Variants in DPP10 observed in about 807,000 individuals in gnomAD.
DPP10 encodes inactive dipeptidyl peptidase 10.
DPP10 carries 33 observed loss-of-function variants against 120.9 expected under a neutral mutation model. The observed-to-expected ratio is 0.27, with a 90% CI of 0.21 to 0.37. The LOEUF (loss-of-function observed/expected upper bound fraction) is 0.37, where lower values mean the gene tolerates loss of function less well. Among genes scored for constraint, DPP10 ranks in the 10% least tolerant of loss-of-function variants. The pLI, the probability that DPP10 is intolerant of heterozygous loss-of-function variation, is 1.00. For synonymous variants in DPP10, 337 were observed against 326.1 expected (o/e 1.03, Z -0.36); for missense variants, 816 against 942.8 (o/e 0.87, Z 1.76).
chr2:114,526,925 G>A (rs1685548290), intron 1 of DPP10, among the ~76,000 whole-genome samples: 1 of 152,126 alleles, frequency 6.6e-6, no homozygotes, highest in South Asian at 2.1e-4. Context: ...GTTTCAAATA[G>A]TTACACCTAT....
At chr2:115,198,593 G>A (rs1041329176) in intron 1 of DPP10, among the ~76,000 whole-genome samples, 7 of 152,116 alleles carry the variant, frequency 4.6e-5, no homozygotes, top group Admixed American at 3.3e-4. Flanking sequence ...TCTTAAACAC[G>A]TTGATCAAAT....
intron 8 of DPP10, among the ~76,000 whole-genome samples, chr2:115,738,314 C>T (rs1006951309): frequency 1.3e-5 from 2 of 152,156 alleles, no homozygotes; most frequent in African/African-American, 2.4e-5. Context: ...CATGGGCATT[C>T]CTGATTTCAC....
At chr2:115,450,409 A>C (rs750360517) in intron 3 of DPP10, among the ~76,000 whole-genome samples, 11 of 152,044 alleles carry the variant, frequency 7.2e-5, no homozygotes, top group Non-Finnish European at 1.5e-4. Context: ...TGTATATGAC[A>C]CTTACCTGCA....
chr2:114,558,598 TC>T (rs1364658867), intron 1 of DPP10, among the ~76,000 whole-genome samples: 2 of 152,224 alleles, frequency 1.3e-5, no homozygotes, highest in Non-Finnish European at 2.9e-5. Context: ...AACAAAAAGC[TC>T]CTCTAAAGCA....
intron 1 of DPP10, among the ~76,000 whole-genome samples, chr2:114,513,200 A>G (rs1191225045): frequency 6.6e-6 from 1 of 152,074 alleles, no homozygotes; most frequent in East Asian, 1.9e-4. Flanking sequence ...GTCCTTTTAT[A>G]TATGTTCTCT....
At chr2:115,245,536 T>C (rs998731871) in intron 1 of DPP10, among the ~76,000 whole-genome samples, 2 of 152,140 alleles carry the variant, frequency 1.3e-5, no homozygotes, top group Non-Finnish European at 2.9e-5. Flanking sequence ...AGTCAAAATG[T>C]AAACTAGTAT....
At chr2:114,464,683 G>T (rs1045689141) in intron 1 of DPP10, among the ~76,000 whole-genome samples, 1 of 151,934 alleles carries the variant, frequency 6.6e-6, no homozygotes, top group South Asian at 2.1e-4. Context: ...AGAGCAAATC[G>T]TATTAATTTC....
chr2:114,945,536 C>A (rs917862380), intron 1 of DPP10, among the ~76,000 whole-genome samples: 6 of 152,094 alleles, frequency 3.9e-5, no homozygotes, highest in Non-Finnish European at 5.9e-5. Context: ...TAGCTTCGGC[C>A]GGGCATGGTG....
At chr2:114,892,155 CAACA>C (rs543956487) in intron 1 of DPP10, among the ~76,000 whole-genome samples, 36 of 152,300 alleles carry the variant, frequency 2.4e-4, no homozygotes, top group African/African-American at 7.0e-4. Flanking sequence ...TAATTCTCTT[CAACA>C]AACATTCATT....
chr2:114,690,637 A>C (rs1274847956), intron 1 of DPP10, among the ~76,000 whole-genome samples: 1 of 152,028 alleles, frequency 6.6e-6, no homozygotes, highest in African/African-American at 2.4e-5. Context: ...ATGGTAGTTT[A>C]ATGGGAAAAG....
At chr2:115,499,139 T>C (rs1219435474) in intron 3 of DPP10, among the ~76,000 whole-genome samples, 2 of 152,102 alleles carry the variant, frequency 1.3e-5, no homozygotes, top group South Asian at 2.1e-4. Context: ...GGCAGCACTT[T>C]TAAGTTAAAA....
chr2:115,342,861 A>T (rs2063517914), intron 2 of DPP10, among the ~76,000 whole-genome samples: 1 of 152,154 alleles, frequency 6.6e-6, no homozygotes, highest in African/African-American at 2.4e-5. Context: ...GTGAAAGGGA[A>T]TTGCATTTGA....
chr2:114,486,365 T>C (rs1340705704), intron 1 of DPP10, among the ~76,000 whole-genome samples: 1 of 152,176 alleles, frequency 6.6e-6, no homozygotes, highest in African/African-American at 2.4e-5. Flanking sequence ...TTAGGTAAGA[T>C]ATTAAATAGA....
intron 1 of DPP10, among the ~76,000 whole-genome samples, chr2:114,989,792 C>T (rs1319129786): frequency 6.6e-6 from 1 of 152,182 alleles, no homozygotes; most frequent in African/African-American, 2.4e-5. Flanking sequence ...CGTCTATATG[C>T]AATTGATCTT....
At chr2:114,748,227 T>C (rs1447204500) in intron 1 of DPP10, among the ~76,000 whole-genome samples, 4 of 151,718 alleles carry the variant, frequency 2.6e-5, no homozygotes. Context: ...GTTTGAGAAG[T>C]GCTAGTGTAG....
chr2:114,803,161 C>CTTTGCT (rs1276414867), intron 1 of DPP10, among the ~76,000 whole-genome samples: 2 of 152,272 alleles, frequency 1.3e-5, no homozygotes, highest in African/African-American at 4.8e-5. Context: ...GGGTTTCCAC[C>CTTTGCT]TTTGCTTCTT....
intron 11 of DPP10, among the ~76,000 whole-genome samples, chr2:115,758,034 C>G (rs1023690897): frequency 1.3e-5 from 2 of 151,960 alleles, no homozygotes; most frequent in Admixed American, 6.6e-5. Context: ...AGGCCCCACT[C>G]AGAGTAATTT....
chr2:115,270,676 A>G (rs1399451571), intron 1 of DPP10, among the ~76,000 whole-genome samples: 1 of 152,208 alleles, frequency 6.6e-6, no homozygotes, highest in Non-Finnish European at 1.5e-5. Context: ...GACCTATGTC[A>G]GTCCTAAAGT....
chr2:115,386,858 A>G (rs557125124), intron 3 of DPP10, among the ~76,000 whole-genome samples: 2 of 152,202 alleles, frequency 1.3e-5, no homozygotes, highest in East Asian at 3.9e-4. Context: ...CAATATGTTT[A>G]TAATAATCAG....
Sources: allele counts gnomAD v4.1 joint callset (sites outside exome capture counted in the v4.1 genomes callset), GRCh38; gene constraint gnomAD v4.1.1; transcripts MANE v1.5; gene names NCBI Gene and HGNC (gene_info 2026-07-23, HGNC 2026-07-21).